The following SMAP1 variants were observed in gnomAD, a reference collection of about 807,000 sequenced individuals.
SMAP1 encodes stromal membrane-associated protein 1.
In SMAP1, 24 loss-of-function variants were observed where a neutral mutation model predicts 58.5. That is an observed-to-expected ratio of 0.41 (90% confidence interval 0.30 to 0.58). The LOEUF (loss-of-function observed/expected upper bound fraction) is 0.58, where lower values mean the gene tolerates loss of function less well. SMAP1 is among the 20% of genes least tolerant of loss of function. The pLI is 0.29. For missense variants in SMAP1, 563 were observed against 566.3 expected (o/e 0.99, Z 0.06); for synonymous variants, 216 against 196.6 (o/e 1.10, Z -0.82).
intron 6 of SMAP1, among the ~76,000 whole-genome samples, chr6:70,822,247 G>A (rs1271530985): frequency 6.6e-6 from 1 of 152,172 alleles, no homozygotes; most frequent in Non-Finnish European, 1.5e-5. Flanking sequence ...AATAAAAATA[G>A]CAAGCACATA....
intron 4 of SMAP1, 88 bp downstream of exon 4, chr6:70,773,513 A>G (rs1275680764): frequency 2.8e-6 from 2 of 718,456 alleles, no homozygotes; most frequent in Non-Finnish European, 4.4e-6. Context: ...ATTTATTGTG[A>G]AAACATACTA....
At chr6:70,716,017 A>G (rs747101504) in intron 1 of SMAP1, among the ~76,000 whole-genome samples, 2 of 152,218 alleles carry the variant, frequency 1.3e-5, no homozygotes, top group Non-Finnish European at 2.9e-5. Flanking sequence ...TACTTCACTT[A>G]GAAAAATGGT....
At chr6:70,811,861 T>C (rs967523940) in intron 6 of SMAP1, among the ~76,000 whole-genome samples, 3 of 152,118 alleles carry the variant, frequency 2.0e-5, no homozygotes, top group African/African-American at 7.2e-5. Context: ...AGAGAATATG[T>C]CCCAAGATGT....
intron 6 of SMAP1, among the ~76,000 whole-genome samples, chr6:70,808,516 T>TG (rs1401474622): frequency 6.6e-6 from 1 of 152,208 alleles, no homozygotes; most frequent in Non-Finnish European, 1.5e-5. Flanking sequence ...CAGGGTCAGG[T>TG]GGAGAGCCAG....
At chr6:70,770,828 C>T (rs1450297935) in intron 3 of SMAP1, among the ~76,000 whole-genome samples, 1 of 152,186 alleles carries the variant, frequency 6.6e-6, no homozygotes, top group Non-Finnish European at 1.5e-5. Flanking sequence ...AGGTGCTCTG[C>T]TTTTTAGAGT....
At chr6:70,681,979 T>C (rs1766729246) in intron 1 of SMAP1, among the ~76,000 whole-genome samples, 1 of 152,024 alleles carries the variant, frequency 6.6e-6, no homozygotes, top group South Asian at 2.1e-4. Context: ...ATGCAAGGTT[T>C]TGAGAAAATT....
rs923676816 is a variant in SMAP1, at chr6:70,746,235, A to G, written c.253-8745A>G. ...TTGAATAGGAGTGGTGAGAGAGGGC[A>G]TCCTTGTCTTGTGCCAGTTTTCACA... On this transcript the variant is annotated intron_variant, in intron 2 of 10. Coordinates refer to ENST00000370455, the MANE Select transcript of SMAP1 (RefSeq NM_001044305.3). 1.4e-4 allele frequency among the ~76,000 whole-genome samples: 22 copies of G among 152,324 alleles called. 1 individual carries two copies. The highest frequency in any genetic ancestry group is 6.2e-4 in the South Asian group (3 of 4,826).
At chr6:70,701,328 C>T (rs1007626470) in intron 1 of SMAP1, among the ~76,000 whole-genome samples, 4 of 151,912 alleles carry the variant, frequency 2.6e-5, no homozygotes, top group African/African-American at 7.3e-5. Flanking sequence ...GTGATCCACC[C>T]GGCTCTGGAT....
intron 1 of SMAP1, among the ~76,000 whole-genome samples, chr6:70,707,811 A>G (rs1443281333): frequency 1.3e-5 from 2 of 152,112 alleles, no homozygotes; most frequent in African/African-American, 4.8e-5. Flanking sequence ...CACTATGTCT[A>G]CATGTTGGCC....
intron 1 of SMAP1, among the ~76,000 whole-genome samples, chr6:70,727,022 G>C (rs1039561712): frequency 6.6e-6 from 1 of 151,928 alleles, no homozygotes; most frequent in African/African-American, 2.4e-5. Context: ...TCAAGATGGG[G>C]GGGGCACTGT....
chr6:70,719,285 G>A (rs1768411431), intron 1 of SMAP1, among the ~76,000 whole-genome samples: 1 of 152,122 alleles, frequency 6.6e-6, no homozygotes, highest in East Asian at 1.9e-4. Context: ...TTCATAGTGT[G>A]GATACAGGGA....
chr6:70,672,940 C>T (rs1397768689), intron 1 of SMAP1, among the ~76,000 whole-genome samples: 1 of 151,948 alleles, frequency 6.6e-6, no homozygotes, highest in Non-Finnish European at 1.5e-5. Context: ...GATAAGCTTT[C>T]TTTAAGCATG....
At chr6:70,849,516 A>G (rs762180735) in intron 7 of SMAP1, among the ~76,000 whole-genome samples, 1 of 152,218 alleles carries the variant, frequency 6.6e-6, no homozygotes, top group Non-Finnish European at 1.5e-5. Flanking sequence ...GTGAAGGGAC[A>G]TGAGCTGTGT....
At chr6:70,763,100 A>T (rs1398811957) in intron 3 of SMAP1, among the ~76,000 whole-genome samples, 6 of 112,256 alleles carry the variant, frequency 5.3e-5, no homozygotes, top group East Asian at 2.5e-4. Flanking sequence ...CACTGTACAG[A>T]TATTACTTTT....
intron 4 of SMAP1, 43 bp from the exon 5 acceptor site, chr6:70,791,646 C>G: frequency 6.5e-7 from 1 of 1,529,318 alleles, no homozygotes; most frequent in Non-Finnish European, 9.0e-7. Context: ...TCATTACCTT[C>G]TTTTTGTTTT....
rs574410218 is a variant in SMAP1, at chr6:70,806,098, A to G, written c.576+7361A>G. Among the ~76,000 whole-genome samples the G allele has an allele frequency of 2.6e-5, 4 of 152,300 alleles. No individual in the cohort carries two copies. The South Asian group carries it at 6.2e-4, about 24-fold the overall frequency. ...AGTTTCTGCTGCCTTTTGTTTAGCT[A>G]TGCCCTGTCCACTGAGGTGGAGTCT... On this transcript the variant is annotated intron_variant, in intron 6 of 10. Transcript: ENST00000370455.
intron 2 of SMAP1, among the ~76,000 whole-genome samples, chr6:70,748,714 T>TTAG (rs1232011240): frequency 6.6e-6 from 1 of 152,086 alleles, no homozygotes; most frequent in Non-Finnish European, 1.5e-5. Flanking sequence ...ATTATTTTAT[T>TTAG]TAGTTGTTGG....
chr6:70,689,801 C>T (rs991084119), intron 1 of SMAP1, among the ~76,000 whole-genome samples: 2 of 151,894 alleles, frequency 1.3e-5, no homozygotes, highest in South Asian at 4.2e-4. Flanking sequence ...TAGATTTTTC[C>T]ATAAGGTTTT....
chr6:70,850,083 G>C (rs1236153987), intron 7 of SMAP1, among the ~76,000 whole-genome samples: 1 of 152,160 alleles, frequency 6.6e-6, no homozygotes, highest in Non-Finnish European at 1.5e-5. Flanking sequence ...GTTTAGATTT[G>C]AAAGTATAAG....
Sources: allele counts gnomAD v4.1 joint callset (sites outside exome capture counted in the v4.1 genomes callset), GRCh38; gene constraint gnomAD v4.1.1; transcripts MANE v1.5; gene names NCBI Gene and HGNC (gene_info 2026-07-23, HGNC 2026-07-21).